MYCBP2: variants seen among roughly 807,000 people sequenced by gnomAD.
MYCBP2 encodes the protein E3 ubiquitin-protein ligase MYCBP2.
Under a neutral mutation model 525.3 loss-of-function variants are expected in MYCBP2, and 120 were observed. The ratio of observed to expected loss-of-function variants is 0.23; its 90% CI spans 0.20 to 0.27. MYCBP2 has a LOEUF of 0.27. Ranked by LOEUF, MYCBP2 falls within the 10% of genes least tolerant of loss-of-function variation. The pLI, the probability that MYCBP2 is intolerant of heterozygous loss-of-function variation, is 1.00. For missense variants in MYCBP2, 4,149 were observed against 5,657.1 expected (o/e 0.73, Z 8.55); for synonymous variants, 1,894 against 1,955.8 (o/e 0.97, Z 0.83).
At position 77,061,297 on chromosome 13, in the gene MYCBP2, A is replaced by G. The variant is rs2039249489; in HGVS notation, c.12908T>C (p.Phe4303Ser). The change falls in exon 76 of 83, where the codon TTC becomes TCC. Residue 4303 changes from phenylalanine to serine, a missense_variant. By Grantham distance (155) the Phe-to-Ser change is radical. Coordinates refer to ENST00000544440, the MANE Select transcript of MYCBP2 (RefSeq NM_015057.5). ...RRTKTHQRQV[F>S]KEEEEAIKVD... ...CTTTATAGCTTCTTCTTCTTCTTTG[A>G]AGACCTATTATTTCATTAAAGAACA... 6.2e-7 allele frequency: 1 copy of G among 1,604,338 alleles called. No homozygotes were observed. The highest frequency in any genetic ancestry group is 1.3e-5 in the African/African-American group (1 of 74,326).
At chr13:77,155,873 A>C (rs2057154131) in intron 46 of MYCBP2, among the ~76,000 whole-genome samples, 185 bp downstream of exon 46, 1 of 152,182 alleles carries the variant, frequency 6.6e-6, no homozygotes, top group Admixed American at 6.5e-5. Context: ...CACAAAAAAA[A>C]CAGGTGTAAC....
rs746695422 is a variant in MYCBP2 at position 77,095,478 on chromosome 13, G to A, written c.10079C>T (p.Pro3360Leu). 7 of 1,613,568 alleles carry A rather than the reference G, an allele frequency of 4.3e-6. No homozygotes were observed. Among genetic ancestry groups the A allele is most frequent in the Non-Finnish European group, 5.9e-6 (7 of 1,179,732 alleles). The change falls in exon 58 of 83, where the codon CCG (proline) becomes CTG (leucine). Residue 3360 changes from proline to leucine, a missense_variant. Pro to Leu is a moderately conservative substitution (Grantham distance 98). Coordinates refer to ENST00000544440, the MANE Select transcript of MYCBP2 (RefSeq NM_015057.5). The stretch of plus-strand genomic sequence containing the variant: ...TGCAGGATGGTAACACAGAATGCTC[G>A]GTTCTGCTGCACTGCTCAGGGACAG... ...FLLSLSSAAE[P>L]SILCYHPAKP...
intron 32 of MYCBP2, among the ~76,000 whole-genome samples, chr13:77,182,679 T>C (rs569728547): frequency 1.3e-5 from 2 of 152,314 alleles, no homozygotes; most frequent in East Asian, 1.9e-4. Context: ...CCCCTGGAAA[T>C]TGAGTGGTAA....
Position 77,097,893 on chromosome 13 carries a change from A to G in MYCBP2, c.9261T>C (p.Asn3087=), listed in dbSNP as rs2046485113. ...PTEEKETKLK[N]RHSLEISSAL... is the part of the protein sequence containing the mutation. ...CAGATGATATTTCTAATGAATGTCT[A>G]TTTTTTAACTTGGTTTCTTTTTCCT... Residue 3087 remains asparagine (N), a synonymous_variant, in exon 56 of 83, where the codon AAT becomes AAC. Transcript: ENST00000544440. 1.2e-6 allele frequency: 2 copies of G among 1,612,676 alleles called. No homozygotes were observed. Among genetic ancestry groups the G allele is most frequent in the South Asian group, 1.1e-5 (1 of 90,940 alleles).
At chr13:77,121,342 G>T in intron 55 of MYCBP2, 31 bp downstream of exon 55, 1 of 1,464,408 alleles carries the variant, frequency 6.8e-7, no homozygotes, top group Non-Finnish European at 9.1e-7. Flanking sequence ...TTGAAGTTAG[G>T]TAAGTAAAAG....
At position 77,140,827 on chromosome 13, in the gene MYCBP2, C is replaced by T; in HGVS notation, c.7401+19G>A. 1 of 1,563,690 alleles carries T rather than the reference C, an allele frequency of 6.4e-7. No homozygotes were observed. Among genetic ancestry groups the T allele is most frequent in the East Asian group, 2.3e-5 (1 of 43,816 alleles). The stretch of plus-strand genomic sequence containing the variant: ...GTAAAAATTGAATGATTCCGGCTCT[C>T]AATTCATTCTGCCCTAACCTTATTA... On this transcript the variant is annotated intron_variant, in intron 50 of 82. Coordinates refer to ENST00000544440, the MANE Select transcript of MYCBP2 (RefSeq NM_015057.5).
chr13:77,264,063 A>C (rs964781825), intron 8 of MYCBP2, 61 bp from the exon 9 acceptor site: 25 of 1,394,062 alleles, frequency 1.8e-5, no homozygotes, highest in Middle Eastern at 2.3e-4. Flanking sequence ...AAATGAATTT[A>C]CTCCTCTGTT....
chr13:77,136,173 C>A (rs1292731209), intron 52 of MYCBP2, among the ~76,000 whole-genome samples: 1 of 152,194 alleles, frequency 6.6e-6, no homozygotes, highest in Non-Finnish European at 1.5e-5. Flanking sequence ...CAAGTCCATG[C>A]AGATGATCTT....
intron 17 of MYCBP2, among the ~76,000 whole-genome samples, chr13:77,238,365 T>C (rs774768042): frequency 3.9e-5 from 6 of 151,974 alleles, no homozygotes; most frequent in Non-Finnish European, 8.8e-5. Flanking sequence ...CTTGGATACT[T>C]AGAAGAAAGA....
chr13:77,223,699 T>C (rs2065893765), intron 20 of MYCBP2, among the ~76,000 whole-genome samples: 1 of 152,146 alleles, frequency 6.6e-6, no homozygotes, highest in Non-Finnish European at 1.5e-5. Flanking sequence ...CTTATCTCTG[T>C]GATGACTTCT....
chr13:77,209,540 T>C (rs2154279537), intron 23 of MYCBP2, among the ~76,000 whole-genome samples: 1 of 152,316 alleles, frequency 6.6e-6, no homozygotes, highest in South Asian at 2.1e-4. Context: ...TGCAGCCAAT[T>C]CTATCTTTAC....
At chr13:77,222,437 G>T (rs1325069675) in intron 20 of MYCBP2, among the ~76,000 whole-genome samples, 1 of 151,996 alleles carries the variant, frequency 6.6e-6, no homozygotes, top group Non-Finnish European at 1.5e-5. Flanking sequence ...TATCTCAATC[G>T]TCTCTTATCA....
At chr13:77,200,268 G>A (rs891531820) in intron 26 of MYCBP2, among the ~76,000 whole-genome samples, 6 of 152,144 alleles carry the variant, frequency 3.9e-5, no homozygotes, top group East Asian at 1.9e-4. Flanking sequence ...GAGCCGATGA[G>A]ATCAACTGGA....
At chr13:77,051,253 T>G in intron 81 of MYCBP2, 91 bp from the exon 82 acceptor site, 2 of 1,182,136 alleles carry the variant, frequency 1.7e-6, no homozygotes, top group Non-Finnish European at 2.3e-6. Flanking sequence ...AGCTCCTTAA[T>G]TCATATTTTG....
intron 73 of MYCBP2, among the ~76,000 whole-genome samples, chr13:77,063,849 C>T (rs560422861): frequency 2.0e-5 from 3 of 152,184 alleles, no homozygotes; most frequent in African/African-American, 7.2e-5. Context: ...GAAAGGATTA[C>T]TGTCAAAAAT....
chr13:77,284,928 G>A (rs1279070953), intron 3 of MYCBP2, among the ~76,000 whole-genome samples: 2 of 152,294 alleles, frequency 1.3e-5, no homozygotes, highest in East Asian at 3.9e-4. Context: ...TTTTAATGGT[G>A]TTTGAACCCC....
At chr13:77,245,835 T>C (rs990468801) in intron 15 of MYCBP2, among the ~76,000 whole-genome samples, 4 of 132,468 alleles carry the variant, frequency 3.0e-5, no homozygotes, top group Non-Finnish European at 5.1e-5. Flanking sequence ...TACATATATA[T>C]GTATATATAT....
At chr13:77,099,750 C>T (rs2046783015) in intron 55 of MYCBP2, 1 of 152,100 alleles carries the variant, frequency 6.6e-6, no homozygotes, top group African/African-American at 2.4e-5. Context: ...AAAGTCTGAA[C>T]TGTGGACCCT....
intron 22 of MYCBP2, among the ~76,000 whole-genome samples, chr13:77,211,729 C>T (rs1441632796): frequency 1.3e-5 from 2 of 152,114 alleles, no homozygotes; most frequent in African/African-American, 4.8e-5. Flanking sequence ...ATAGTTCTAC[C>T]ACTGTCTAGC....
Sources: gnomAD v4.1 joint callset for allele counts (sites outside exome capture counted in the v4.1 genomes callset) on GRCh38, gnomAD v4.1.1 for gene constraint, MANE v1.5 for transcripts, NCBI Gene and HGNC (gene_info 2026-07-23, HGNC 2026-07-21) for gene names.